Variants in CSMD1 observed in about 807,000 individuals in gnomAD.
The protein encoded by CSMD1 is CUB and Sushi multiple domains 1, also known as CUB and sushi domain-containing protein 1.
Under a neutral mutation model 417.5 loss-of-function variants are expected in CSMD1, and 213 were observed. The observed-to-expected ratio is 0.51, with a 90% CI of 0.46 to 0.57. The LOEUF (loss-of-function observed/expected upper bound fraction) is 0.57. Ranked by LOEUF, CSMD1 falls within the 20% of genes least tolerant of loss-of-function variation. The probability of loss-of-function intolerance (pLI) is 0.00; values close to 1 mark genes in which losing one functional copy is unlikely to be tolerated. For missense variants in CSMD1, 6,923 were observed against 4,529.7 expected (o/e 1.53, Z -15.17); for synonymous variants, 2,862 against 1,736.8 (o/e 1.65, Z -16.11).
chr8:4,260,049 G>C lies in CSMD1; in HGVS notation c.415+159904C>G, dbSNP rs192990564. ...ACTTTTTTTTTTTTAACACATACTT[G>C]AAAGGGAAGTGTTGTCTTAGAGATC... On this transcript the variant is annotated intron_variant, in intron 3 of 69. Transcript: ENST00000635120. 5.0e-3 allele frequency among the ~76,000 whole-genome samples: 757 copies of C among 150,704 alleles called. 7 individuals are homozygous for C. The highest frequency in any genetic ancestry group is 0.018 in the African/African-American group (726 of 40,954).
intron 1 of CSMD1, among the ~76,000 whole-genome samples, chr8:4,870,102 C>G (rs1296177285): frequency 2.0e-5 from 3 of 152,200 alleles, no homozygotes; most frequent in East Asian, 1.9e-4. Context: ...ATATTGCACA[C>G]TCTTGATTTA....
intron 3 of CSMD1, among the ~76,000 whole-genome samples, chr8:4,164,211 G>T (rs892221397): frequency 6.7e-6 from 1 of 150,098 alleles, no homozygotes; most frequent in Non-Finnish European, 1.5e-5. Flanking sequence ...AAAAAAAAAT[G>T]ACAAAAATAT....
At chr8:4,926,456 G>A (rs777180714) in intron 1 of CSMD1, among the ~76,000 whole-genome samples, 8 of 152,142 alleles carry the variant, frequency 5.3e-5, no homozygotes, top group Non-Finnish European at 1.0e-4. Context: ...GCATCTACTA[G>A]AAGCTTTGGA....
chr8:3,342,897 GTA>G (rs201319197), intron 23 of CSMD1, among the ~76,000 whole-genome samples: 63 of 61,518 alleles, frequency 1.0e-3, no homozygotes, highest in South Asian at 2.5e-3. Flanking sequence ...ATATATGTGT[GTA>G]TGTGTGTGTG....
intron 6 of CSMD1, among the ~76,000 whole-genome samples, chr8:3,724,195 CT>C (rs35874563): frequency 0.012 from 1,454 of 120,352 alleles, 100 homozygotes; most frequent in Admixed American, 0.08. Context: ...TCTTTTACTA[CT>C]TTTTTTTTTT....
intron 49 of CSMD1, among the ~76,000 whole-genome samples, chr8:3,066,790 AT>A (rs1812963680): frequency 6.6e-6 from 1 of 152,206 alleles, no homozygotes; most frequent in Non-Finnish European, 1.5e-5. Flanking sequence ...TACACAGAAA[AT>A]TGGAAACTCT....
intron 3 of CSMD1, among the ~76,000 whole-genome samples, chr8:4,175,822 A>G (rs1359801921): frequency 3.9e-5 from 6 of 152,194 alleles, no homozygotes; most frequent in Non-Finnish European, 8.8e-5. Context: ...ATATAAAAGT[A>G]TGCAGAGTGA....
intron 8 of CSMD1, among the ~76,000 whole-genome samples, chr8:3,587,402 G>T (rs141146632): frequency 2.6e-5 from 4 of 152,246 alleles, no homozygotes; most frequent in African/African-American, 9.6e-5. Flanking sequence ...GAGAAACCAC[G>T]GGTTGATGTT....
At chr8:4,110,539 T>C (rs1042354417) in intron 3 of CSMD1, among the ~76,000 whole-genome samples, 2 of 152,308 alleles carry the variant, frequency 1.3e-5, no homozygotes, top group East Asian at 1.9e-4. Flanking sequence ...TTTTCATTTG[T>C]ATTTAATTTT....
In CSMD1 at chr8:4,313,343, G is replaced by C. The variant is rs548273662; in HGVS notation, c.415+106610C>G. Among the ~76,000 whole-genome samples the C allele has an allele frequency of 2.9e-5, 4 of 138,302 alleles. No individual in the cohort carries two copies. In the East Asian group the frequency reaches 8.0e-4, roughly 28 times the overall value. The allele number at this position is 138,302 out of a possible 152,430, so 90.7% of individuals were successfully genotyped here. On this transcript the variant is annotated intron_variant, in intron 3 of 69. Coordinates refer to ENST00000635120, the MANE Select transcript of CSMD1 (RefSeq NM_033225.6). ...CTAGAGAGGGAGGAATCCATCATGG[G>C]GGTAGCAGACCATCATTGTCACTAT...
chr8:3,317,148 G>C (rs1470631395), intron 23 of CSMD1, among the ~76,000 whole-genome samples: 1 of 151,980 alleles, frequency 6.6e-6, no homozygotes, highest in Non-Finnish European at 1.5e-5. Flanking sequence ...GGGAGGAAGA[G>C]GAGAATCATC....
chr8:4,139,731 T>A (rs1343076197), intron 3 of CSMD1, among the ~76,000 whole-genome samples: 1 of 151,048 alleles, frequency 6.6e-6, no homozygotes, highest in Non-Finnish European at 1.5e-5. Context: ...GATGCTTGAG[T>A]AGATGAGTAC....
At chr8:3,430,129 A>G (rs1175388360) in intron 12 of CSMD1, among the ~76,000 whole-genome samples, 1 of 152,244 alleles carries the variant, frequency 6.6e-6, no homozygotes, top group African/African-American at 2.4e-5. Flanking sequence ...ACACACATAC[A>G]TATACATACA....
chr8:3,889,709 T>G, intron 5 of CSMD1, among the ~76,000 whole-genome samples: 1 of 151,560 alleles, frequency 6.6e-6, no homozygotes. Flanking sequence ...TCCTATAAAT[T>G]GAGCTATGGA....
chr8:3,249,280 G>A (rs549199814), intron 26 of CSMD1, among the ~76,000 whole-genome samples: 6 of 151,914 alleles, frequency 3.9e-5, no homozygotes, highest in Non-Finnish European at 7.3e-5. Flanking sequence ...GGAGTGCAGC[G>A]GCGTGATCTC....
chr8:3,526,187 C>T (rs1029847183), intron 10 of CSMD1, among the ~76,000 whole-genome samples: 4 of 152,226 alleles, frequency 2.6e-5, no homozygotes, highest in East Asian at 3.9e-4. Context: ...ATATTTCTGA[C>T]ATTTTCTCAT....
At chr8:3,662,865 C>A (rs1423770010) in intron 7 of CSMD1, among the ~76,000 whole-genome samples, 1 of 151,944 alleles carries the variant, frequency 6.6e-6, no homozygotes, top group African/African-American at 2.4e-5. Flanking sequence ...GGGGGGAGAG[C>A]ATTAGGACAA....
intron 5 of CSMD1, among the ~76,000 whole-genome samples, chr8:3,892,600 C>T (rs1563184196): frequency 1.3e-5 from 2 of 151,978 alleles, no homozygotes. Context: ...GTTCTCTCCC[C>T]ACTCCTACTT....
At chr8:3,077,933 G>A (rs904987537) in intron 49 of CSMD1, among the ~76,000 whole-genome samples, 1 of 152,208 alleles carries the variant, frequency 6.6e-6, no homozygotes, top group Admixed American at 6.5e-5. Context: ...TCCTCCTGCT[G>A]AAGTGGAAAG....
Sources: gnomAD v4.1 joint callset for allele counts (sites outside exome capture counted in the v4.1 genomes callset) on GRCh38, gnomAD v4.1.1 for gene constraint, MANE v1.5 for transcripts, NCBI Gene and HGNC (gene_info 2026-07-23, HGNC 2026-07-21) for gene names.